IDO2: variants seen among roughly 807,000 people sequenced by gnomAD.
IDO2 encodes indoleamine 2,3-dioxygenase-like 1 protein.
A neutral mutation model predicts 45.1 loss-of-function variants in IDO2; 46 were observed. That is an observed-to-expected ratio of 1.02 (90% CI 0.80 to 1.30). The LOEUF (loss-of-function observed/expected upper bound fraction) is 1.30. Ranked by LOEUF, IDO2 falls within the 50% of genes most tolerant of loss-of-function variation. The pLI is 0.00. For missense variants in IDO2, 544 were observed against 491.8 expected (o/e 1.11, Z -1.00); for synonymous variants, 218 against 184.9 (o/e 1.18, Z -1.45).
At chr8:40,013,708 A>C in exon 10 of IDO2, 1 of 1,604,834 alleles carries the variant, frequency 6.2e-7, no homozygotes, top group South Asian at 1.1e-5. Context: ...CATAGCAAGG[A>C]AAGTGGTAAG....
intron 8 of IDO2, chr8:39,995,250 T>C (rs1352997503): frequency 6.4e-5 from 6 of 93,974 alleles, no homozygotes; most frequent in Admixed American, 1.2e-4. Flanking sequence ...CTTCTCCTTC[T>C]CCTTCTTCTT....
chr8:39,944,310 C>G (rs1807700141), intron 1 of IDO2, among the ~76,000 whole-genome samples: 1 of 151,976 alleles, frequency 6.6e-6, no homozygotes, highest in Admixed American at 6.6e-5. Context: ...TACACCCAGC[C>G]CAGGACTTTC....
At chr8:39,953,829 C>CAAAACA (rs1807848278) in intron 2 of IDO2, among the ~76,000 whole-genome samples, 2 of 152,190 alleles carry the variant, frequency 1.3e-5, no homozygotes, top group South Asian at 2.1e-4. Flanking sequence ...CCCTCTGTCT[C>CAAAACA]AAAACAAAAA....
At chr8:39,965,834 G>A (rs925879923) in intron 3 of IDO2, among the ~76,000 whole-genome samples, 3 of 152,062 alleles carry the variant, frequency 2.0e-5, no homozygotes, top group Non-Finnish European at 4.4e-5. Flanking sequence ...GCATGGAACA[G>A]AATGGAACAA....
chr8:39,947,085 G>A (rs1022418888), intron 1 of IDO2, among the ~76,000 whole-genome samples: 1 of 149,638 alleles, frequency 6.7e-6, no homozygotes, highest in South Asian at 2.1e-4. Context: ...GAACCTGGGA[G>A]GCAGAGGTTG....
intron 9 of IDO2, among the ~76,000 whole-genome samples, chr8:40,012,041 C>T (rs368021541): frequency 6.6e-6 from 1 of 152,168 alleles, no homozygotes; most frequent in Non-Finnish European, 1.5e-5. Flanking sequence ...CAACCCAAAG[C>T]GTCCCCAGTG....
intron 2 of IDO2, among the ~76,000 whole-genome samples, chr8:39,957,180 A>C (rs1481517537): frequency 6.6e-6 from 1 of 152,062 alleles, no homozygotes; most frequent in Non-Finnish European, 1.5e-5. Context: ...TTCCAAGGTG[A>C]CCAGTTTTCT....
Position 39,982,789 on chromosome 8 carries a change from GC to G in IDO2, c.434+20del, listed in dbSNP as rs1360357317. On this transcript the variant is annotated intron_variant, in intron 5 of 10. Transcript: ENST00000502986. ...CAGACGGGTAAGGAAGGAAGAGAAT[GC>G]TTTGAATTTCCATAACTTTCCCCCA... 6.9e-7 allele frequency: 1 copy of G among 1,442,930 alleles called. No individual in the cohort carries two copies. Among genetic ancestry groups the G allele is most frequent in the South Asian group, 1.3e-5 (1 of 77,460 alleles). The allele number at this position is 1,442,930 out of a possible 1,614,324, so 89.4% of individuals were successfully genotyped here.
At chr8:40,005,177 C>T (rs1802201679) in intron 8 of IDO2, 150 bp from the exon 9 acceptor site, 1 of 474,272 alleles carries the variant, frequency 2.1e-6, no homozygotes, top group Non-Finnish European at 3.9e-6. Context: ...CAGAAGAGAA[C>T]ATTCTATCCC....
intron 3 of IDO2, among the ~76,000 whole-genome samples, chr8:39,974,426 C>A (rs1416069390): frequency 6.6e-6 from 1 of 152,172 alleles, no homozygotes; most frequent in Non-Finnish European, 1.5e-5. Context: ...ATGTCAAAAT[C>A]AAAAATGTTT....
chr8:39,955,713 A>G (rs990732957), intron 2 of IDO2, among the ~76,000 whole-genome samples: 2 of 152,114 alleles, frequency 1.3e-5, no homozygotes, highest in African/African-American at 2.4e-5. Flanking sequence ...AAATCTCCCA[A>G]TGTCAGGTCC....
intron 8 of IDO2, among the ~76,000 whole-genome samples, chr8:39,991,346 T>A (rs1177013479): frequency 6.6e-6 from 1 of 152,152 alleles, no homozygotes; most frequent in East Asian, 1.9e-4. Flanking sequence ...ATGAGATGTG[T>A]TTTAGCTTTG....
intron 3 of IDO2, among the ~76,000 whole-genome samples, chr8:39,971,981 T>A (rs1219573763): frequency 6.6e-6 from 1 of 152,132 alleles, no homozygotes; most frequent in Non-Finnish European, 1.5e-5. Context: ...CCTAATTTTT[T>A]GTATTTTTAG....
chr8:39,977,208 G>A (rs1297343383), intron 3 of IDO2, among the ~76,000 whole-genome samples: 2 of 152,232 alleles, frequency 1.3e-5, no homozygotes, highest in East Asian at 3.9e-4. Flanking sequence ...AATATAAGTA[G>A]TTAAGACAGT....
At chr8:39,966,701 T>C (rs1413385761) in intron 3 of IDO2, among the ~76,000 whole-genome samples, 1 of 152,168 alleles carries the variant, frequency 6.6e-6, no homozygotes, top group Non-Finnish European at 1.5e-5. Context: ...TCACATTTCC[T>C]AGGAAGACAT....
rs1563440882 is a variant in IDO2, at chr8:40,003,386, A to ATG, written c.668-1941_668-1940insTG. Among the ~76,000 whole-genome samples the ATG allele has an allele frequency of 9.0e-5, 8 of 89,114 alleles. 1 individual carries two copies. The highest frequency in any genetic ancestry group is 1.5e-4 in the Non-Finnish European group (6 of 40,476). 58.5% of individuals were successfully genotyped at this position (89,114 alleles called of 152,430 possible). ...TCCATCTCAAAAAAAAAAAAAAAAA[A>ATG]AAAAAGAAAACGAGAATATATCCTT... On this transcript the variant is annotated intron_variant, in intron 8 of 10. Transcript: ENST00000502986.
At chr8:40,009,852 T>C (rs1802284248) in intron 9 of IDO2, among the ~76,000 whole-genome samples, 1 of 152,202 alleles carries the variant, frequency 6.6e-6, no homozygotes, top group South Asian at 2.1e-4. Flanking sequence ...GCCACGTTCT[T>C]TCAAGAACTA....
intron 2 of IDO2, among the ~76,000 whole-genome samples, chr8:39,951,886 G>A (rs1308680520): frequency 6.6e-6 from 1 of 152,094 alleles, no homozygotes; most frequent in Non-Finnish European, 1.5e-5. Flanking sequence ...TCATAACTAC[G>A]GAAACAGATG....
chr8:40,013,265 G>A (rs921487011), intron 9 of IDO2, among the ~76,000 whole-genome samples: 4 of 152,160 alleles, frequency 2.6e-5, no homozygotes, highest in Admixed American at 6.6e-5. Flanking sequence ...CTTTATAACT[G>A]AGTATGTGCA....
Sources: gnomAD v4.1 joint callset for allele counts (sites outside exome capture counted in the v4.1 genomes callset) on GRCh38, gnomAD v4.1.1 for gene constraint, MANE v1.5 for transcripts, NCBI Gene and HGNC (gene_info 2026-07-23, HGNC 2026-07-21) for gene names.